The following HIVEP1 variants were observed in gnomAD, a reference collection of about 807,000 sequenced individuals.
The protein encoded by HIVEP1 is zinc finger protein 40.
In HIVEP1, 36 loss-of-function variants were observed where a neutral mutation model predicts 180.0. The observed-to-expected ratio is 0.20, with a 90% CI of 0.15 to 0.26. The LOEUF is 0.26. Ranked by LOEUF, HIVEP1 falls within the 10% of genes least tolerant of loss-of-function variation. The probability of loss-of-function intolerance (pLI) is 1.00; values close to 1 mark genes in which losing one functional copy is unlikely to be tolerated. For synonymous variants in HIVEP1, 1,239 were observed against 1,239.0 expected, an observed-to-expected ratio of 1.00 and a Z score of 0.00; for missense variants, 3,143 against 3,268.7, an observed-to-expected ratio of 0.96 and a Z score of 0.94.
rs145345512 is a variant in HIVEP1 at position 12,077,210 on chromosome 6, A to G, written c.41-11974A>G. On this transcript the variant is annotated intron_variant, in intron 2 of 8. Coordinates refer to ENST00000379388, the MANE Select transcript of HIVEP1 (RefSeq NM_002114.4). ...AAATCTGTGGTTTGGTGCCCAGACCACATTTGCCCTTAGTAATAATGTGTC... is the reference window on the plus strand; with the variant it reads ...AAATCTGTGGTTTGGTGCCCAGACCGCATTTGCCCTTAGTAATAATGTGTC... Among the ~76,000 whole-genome samples the G allele has an allele frequency of 1.4e-3, 217 of 152,326 alleles. 1 individual carries two copies. The highest frequency in any genetic ancestry group is 4.9e-3 in the African/African-American group (204 of 41,584).
At chr6:12,198,438 A>G in the HIVEP1 span, among the ~76,000 whole-genome samples, 1,573 of 152,338 alleles carry the variant, frequency 0.01, 14 homozygotes, top group Non-Finnish European at 0.018. Context: ...CATATAAGTA[A>G]TAATTTTCCT....
the HIVEP1 span, among the ~76,000 whole-genome samples, chr6:12,173,770 G>T: frequency 1.3e-5 from 2 of 152,156 alleles, no homozygotes; most frequent in African/African-American, 4.8e-5. Context: ...AAGACAGTAT[G>T]TTTAGCTAGC....
rs1348236964 is a variant in HIVEP1 at position 12,121,253 on chromosome 6, T to C, written c.1458T>C (p.His486=). ...AGTCCCCCAAAGCACTTAGTATTCA[T>C]TCAGACGTAGAAGACAGTGGGGAGA... ...SHESPKALSI[H]SDVEDSGESE... Residue 486 remains histidine (H), a synonymous_variant, in exon 4 of 9, where the codon CAT becomes CAC. Transcript: ENST00000379388. The surrounding 1 kb of genome is among the most constrained non-coding windows in gnomAD (Gnocchi z 5.3). 2 of 1,614,130 alleles carry C rather than the reference T, an allele frequency of 1.2e-6. No individual in the cohort carries two copies. The highest frequency in any genetic ancestry group is 2.2e-5 in the East Asian group (1 of 44,882).
At chr6:12,009,202 G>T (rs1278148045), upstream of HIVEP1, among the ~76,000 whole-genome samples, 1 of 147,610 alleles carries the variant, frequency 6.8e-6, no homozygotes, top group African/African-American at 2.4e-5. Context: ...CCAGGGGGGT[G>T]CCTGAGCCGG....
intron 1 of HIVEP1, among the ~76,000 whole-genome samples, chr6:12,013,822 A>T (rs1168142372): frequency 6.6e-6 from 1 of 151,646 alleles, no homozygotes; most frequent in Non-Finnish European, 1.5e-5. Context: ...TTAGACCATC[A>T]TTTTTTTTTG....
the HIVEP1 span, among the ~76,000 whole-genome samples, chr6:12,176,301 C>G: frequency 1.4e-5 from 2 of 145,224 alleles, no homozygotes; most frequent in African/African-American, 5.1e-5. Context: ...TGGCTGATCT[C>G]GGCTCACCAG....
At chr6:12,187,530 T>G in the HIVEP1 span, among the ~76,000 whole-genome samples, 1 of 152,052 alleles carries the variant, frequency 6.6e-6, no homozygotes, top group Non-Finnish European at 1.5e-5. Context: ...CTTGTGGCCC[T>G]TGCTGGATAT....
intron 1 of HIVEP1, among the ~76,000 whole-genome samples, chr6:12,014,991 C>T (rs976256797): frequency 6.6e-6 from 1 of 152,178 alleles, no homozygotes; most frequent in Non-Finnish European, 1.5e-5. Flanking sequence ...ATGCTCCAGC[C>T]TGGAAGTGAA....
downstream of HIVEP1, among the ~76,000 whole-genome samples, chr6:12,166,501 G>T (rs1581822452): frequency 2.0e-5 from 3 of 152,020 alleles, no homozygotes; most frequent in Admixed American, 6.6e-5. Flanking sequence ...TTTACTATTG[G>T]CAACTTTCAA....
intron 2 of HIVEP1, among the ~76,000 whole-genome samples, chr6:12,022,591 A>T (rs1249294256): frequency 6.6e-6 from 1 of 152,134 alleles, no homozygotes; most frequent in African/African-American, 2.4e-5. Flanking sequence ...TAAAATGGAG[A>T]TGATGTGTGA....
At chr6:12,129,600 G>A (rs1449960467) in intron 4 of HIVEP1, 159 bp from the exon 5 acceptor site, 1 of 707,324 alleles carries the variant, frequency 1.4e-6, no homozygotes, top group East Asian at 2.8e-5. Flanking sequence ...ATTCATAAGG[G>A]AGGAGATAAA....
rs1410803491 is a variant in HIVEP1 at position 12,164,183 on chromosome 6, C to G, written c.7879C>G (p.Leu2627Val). The G allele has an allele frequency of 6.2e-7, 1 of 1,614,094 alleles. No individual in the cohort carries two copies. Among genetic ancestry groups the G allele is most frequent in the African/African-American group, 1.3e-5 (1 of 74,938 alleles). ...PPAPAGDHARLDGLSKMDTEK... is the reference protein window; with the variant it reads ...PPAPAGDHARVDGLSKMDTEK... ...TGCCCCTGCAGGTGACCATGCAAGGCTTGATGGCCTGAGTAAAATGGACAC... is the reference window on the plus strand; with the variant it reads ...TGCCCCTGCAGGTGACCATGCAAGGGTTGATGGCCTGAGTAAAATGGACAC... The change falls in exon 9 of 9, where the codon CTT becomes GTT. Residue 2627 changes from leucine to valine, a missense_variant. By Grantham distance (32) the Leu-to-Val change is conservative. Coordinates refer to ENST00000379388, the MANE Select transcript of HIVEP1 (RefSeq NM_002114.4).
intron 2 of HIVEP1, among the ~76,000 whole-genome samples, chr6:12,051,021 T>TATATATAC: frequency 7.1e-6 from 1 of 140,860 alleles, no homozygotes. Flanking sequence ...TATATATATA[T>TATATATAC]ATATATATAT....
intron 2 of HIVEP1, among the ~76,000 whole-genome samples, chr6:12,040,054 T>C (rs958149674): frequency 6.6e-6 from 1 of 151,642 alleles, no homozygotes. Context: ...AGATGAAGGT[T>C]TTCTATAGAT....
intron 2 of HIVEP1, among the ~76,000 whole-genome samples, chr6:12,036,781 G>A (rs942697321): frequency 2.0e-5 from 3 of 152,232 alleles, no homozygotes; most frequent in Non-Finnish European, 4.4e-5. Flanking sequence ...GGTGGCGCAC[G>A]CCTGTAATCC....
chr6:12,104,430 T>TTA (rs1774310319), intron 3 of HIVEP1, among the ~76,000 whole-genome samples: 1 of 119,640 alleles, frequency 8.4e-6, no homozygotes, highest in Admixed American at 8.4e-5. Context: ...CTTTCCTTTT[T>TTA]TTTTTTTTTT....
At chr6:12,099,446 G>A (rs1283130138) in intron 3 of HIVEP1, among the ~76,000 whole-genome samples, 1 of 152,236 alleles carries the variant, frequency 6.6e-6, no homozygotes, top group African/African-American at 2.4e-5. Context: ...GATTACAGGC[G>A]TGAGCCACCG....
chr6:12,035,893 G>A (rs1182903460), intron 2 of HIVEP1, among the ~76,000 whole-genome samples: 1 of 152,126 alleles, frequency 6.6e-6, no homozygotes, highest in Non-Finnish European at 1.5e-5. Flanking sequence ...TTCAGAACTA[G>A]TATGAAAAAG....
At position 12,089,169 on chromosome 6, in the gene HIVEP1, C is replaced by A; in HGVS notation, c.41-15C>A. ...AAGGTAAATTAATTTATAAATTTTT[C>A]TCTGTTTTTCTTAGACAAAATTGAA... On this transcript the variant is annotated splice_polypyrimidine_tract_variant and intron_variant, in intron 2 of 8. Coordinates refer to ENST00000379388, the MANE Select transcript of HIVEP1 (RefSeq NM_002114.4). 1.4e-6 allele frequency: 2 copies of A among 1,415,968 alleles called. No homozygotes were observed. The highest frequency in any genetic ancestry group is 2.0e-6 in the Non-Finnish European group (2 of 1,009,592). The allele number at this position is 1,415,968 out of a possible 1,614,324, so 87.7% of individuals were successfully genotyped here. A position where few individuals can be genotyped will look rare whatever the true frequency, so the allele number is the denominator to read the frequency against.
Sources: allele counts gnomAD v4.1 joint callset (sites outside exome capture counted in the v4.1 genomes callset), GRCh38; gene constraint gnomAD v4.1.1; non-coding constraint Gnocchi (gnomAD v3.1); transcripts MANE v1.5; gene names NCBI Gene and HGNC (gene_info 2026-07-23, HGNC 2026-07-21).